The following DYNC2H1 variants were observed in gnomAD, a reference collection of about 807,000 sequenced individuals.
The protein encoded by DYNC2H1 is cytoplasmic dynein 2 heavy chain 1.
Under a neutral mutation model 570.0 loss-of-function variants are expected in DYNC2H1, and 410 were observed. The observed-to-expected ratio is 0.72, with a 90% CI of 0.66 to 0.78. The LOEUF (loss-of-function observed/expected upper bound fraction) is 0.78, where lower values mean the gene tolerates loss of function less well. Among genes scored for constraint, DYNC2H1 ranks in the 30% least tolerant of loss-of-function variants. DYNC2H1 has a pLI of 0.00. For missense variants in DYNC2H1, 4,865 were observed against 5,046.4 expected (o/e 0.96, Z 1.09); for synonymous variants, 1,688 against 1,677.6 (o/e 1.01, Z -0.15).
chr11:103,160,321 G>C (rs973309883), intron 28 of DYNC2H1, among the ~76,000 whole-genome samples: 1 of 152,008 alleles, frequency 6.6e-6, no homozygotes, highest in African/African-American at 2.4e-5. Flanking sequence ...ACATTTACCT[G>C]TTCATGGGCA....
chr11:103,426,555 A>G (rs1465754451), intron 84 of DYNC2H1, among the ~76,000 whole-genome samples: 1 of 152,242 alleles, frequency 6.6e-6, no homozygotes, highest in African/African-American at 2.4e-5. Context: ...TTTAAATACT[A>G]TTTAGACCCT....
At chr11:103,263,244 A>G (rs1031006810) in intron 70 of DYNC2H1, among the ~76,000 whole-genome samples, 12 of 152,098 alleles carry the variant, frequency 7.9e-5, no homozygotes, top group Admixed American at 7.9e-4. Context: ...TTAGACTCCC[A>G]TGTAGTAATA....
intron 28 of DYNC2H1, among the ~76,000 whole-genome samples, chr11:103,159,728 G>A (rs1861002356): frequency 6.6e-6 from 1 of 152,036 alleles, no homozygotes; most frequent in Non-Finnish European, 1.5e-5. Context: ...AGAGCAAACA[G>A]CTCTATAGAA....
At position 103,177,631 on chromosome 11, in the gene DYNC2H1, G is replaced by C; in HGVS notation, c.5950G>C (p.Gly1984Arg). ...TGTTATTGTTGGTCCAAGTGGTGCT[G>C]GAAAATCAACGCTTTGGAGAATGTT... Reference protein sequence around the residue: ...GVVIVGPSGAGKSTLWRMLRA... With the variant: ...GVVIVGPSGARKSTLWRMLRA... The change falls in exon 38 of 89, where the codon GGA becomes CGA. Residue 1984 changes from glycine (G) to arginine (R), a missense_variant. By Grantham distance (125) the Gly-to-Arg change is moderately radical. Coordinates refer to ENST00000375735, the MANE Select transcript of DYNC2H1 (RefSeq NM_001377.3). This position sits in a 1 kb window ranked among gnomAD's most constrained non-coding sequence, Gnocchi z 4.4. The C allele has an allele frequency of 2.5e-6, 4 of 1,613,368 alleles. No homozygotes were observed. The highest frequency in any genetic ancestry group is 2.5e-6 in the Non-Finnish European group (3 of 1,179,622).
chr11:103,434,031 ATTGCTC>A lies in DYNC2H1; in HGVS notation c.12367-1908_12367-1903del, dbSNP rs1943981478. Among the ~76,000 whole-genome samples the A allele has an allele frequency of 2.0e-5, 3 of 152,084 alleles. No individual in the cohort carries two copies. The South Asian group carries it at 6.2e-4, about 31-fold the overall frequency. The stretch of plus-strand genomic sequence containing the variant: ...TTGTATTGTTTCCTAGGAATGATTA[ATTGCTC>A]TTGGCTTTACCTTCTGAGCGCTGGA... On this transcript the variant is annotated intron_variant, in intron 84 of 88. Coordinates refer to ENST00000375735, the MANE Select transcript of DYNC2H1 (RefSeq NM_001377.3).
intron 29 of DYNC2H1, 64 bp from the exon 30 acceptor site, chr11:103,162,962 CTT>C: frequency 7.1e-7 from 1 of 1,406,370 alleles, no homozygotes; most frequent in Non-Finnish European, 9.8e-7. Context: ...TATTTTATGT[CTT>C]ATATATATTA....
intron 20 of DYNC2H1, among the ~76,000 whole-genome samples, chr11:103,149,057 G>A (rs187753877): frequency 2.0e-5 from 3 of 152,074 alleles, no homozygotes; most frequent in African/African-American, 7.2e-5. Flanking sequence ...ACTCTGTCTC[G>A]AAATAAATAA....
At position 103,244,323 on chromosome 11, in the gene DYNC2H1, T is replaced by C. The variant is rs1466812191; in HGVS notation, c.9918+532T>C. On this transcript the variant is annotated intron_variant, in intron 64 of 88. Coordinates refer to ENST00000375735, the MANE Select transcript of DYNC2H1 (RefSeq NM_001377.3). This position sits in a 1 kb window ranked among gnomAD's most constrained non-coding sequence, Gnocchi z 4.3. ...TGACTTCTCAGTTTCATGTTTATCT[T>C]GCAGAGGAAATTATTTTTGGTTAGG... is the stretch of plus-strand genomic sequence containing the variant. Among the ~76,000 whole-genome samples the C allele has an allele frequency of 6.6e-6, 1 of 152,010 alleles. No homozygotes were observed. Among genetic ancestry groups the C allele is most frequent in the Non-Finnish European group, 1.5e-5 (1 of 67,926 alleles).
At position 103,280,108 on chromosome 11, in the gene DYNC2H1, C is replaced by T. The variant is rs146983489; in HGVS notation, c.10696-240C>T. Among the ~76,000 whole-genome samples the T allele has an allele frequency of 9.9e-5, 15 of 152,128 alleles. No individual in the cohort carries two copies. Among genetic ancestry groups the T allele is most frequent in the African/African-American group, 3.6e-4 (15 of 41,526 alleles). On this transcript the variant is annotated intron_variant, in intron 70 of 88. Transcript: ENST00000375735. The surrounding 1 kb of genome is among the most constrained non-coding windows in gnomAD (Gnocchi z 4.7). ...GTTTTGTTTTTTAATGACATGGGCC[C>T]ACTGCATAATTGTTAGTGCTTTCTC...
In DYNC2H1 at chr11:103,116,594, T is replaced by C; in HGVS notation, c.646T>C (p.Ser216Pro). The C allele has an allele frequency of 6.2e-7, 1 of 1,607,092 alleles. No individual in the cohort carries two copies. The highest frequency in any genetic ancestry group is 8.5e-7 in the Non-Finnish European group (1 of 1,176,158). The change falls in exon 5 of 89, where the codon TCC becomes CCC. Residue 216 changes from serine (S) to proline (P), a missense_variant. Ser to Pro is a moderately conservative substitution (Grantham distance 74). Transcript: ENST00000375735. ...AREFYNLDSL[S>P]LLEVVDLVET... Reference sequence around the variant, plus strand: ...GGAGTTTTATAACTTGGACAGTCTATCCTTACTAGAAGTTGTTGACTTGGT... The same window carrying C: ...GGAGTTTTATAACTTGGACAGTCTACCCTTACTAGAAGTTGTTGACTTGGT...
At chr11:103,167,610 A>G (rs898829107) in intron 31 of DYNC2H1, among the ~76,000 whole-genome samples, 1 of 152,108 alleles carries the variant, frequency 6.6e-6, no homozygotes, top group Non-Finnish European at 1.5e-5. Flanking sequence ...CTCAACAGGT[A>G]TGTCATCTAG....
In DYNC2H1 at chr11:103,334,747, G is replaced by A. The variant is rs1428983226; in HGVS notation, c.12039+10757G>A. ...AATTTCTTAATAATTAAAGTAGAGA[G>A]GATTTTTGTTTCATGATAGAATTGA... On this transcript the variant is annotated intron_variant, in intron 82 of 88. Coordinates refer to ENST00000375735, the MANE Select transcript of DYNC2H1 (RefSeq NM_001377.3). The surrounding 1 kb of genome is among the most constrained non-coding windows in gnomAD (Gnocchi z 4.3). Among the ~76,000 whole-genome samples the A allele has an allele frequency of 6.6e-6, 1 of 151,970 alleles. No homozygotes were observed. The highest frequency in any genetic ancestry group is 1.5e-5 in the Non-Finnish European group (1 of 67,924).
At position 103,220,702 on chromosome 11, in the gene DYNC2H1, C is replaced by T; in HGVS notation, c.9026C>T (p.Pro3009Leu). The change falls in exon 57 of 89, where the codon CCA becomes CTA. Residue 3009 changes from proline (P) to leucine (L), a missense_variant. By Grantham distance (98) the Pro-to-Leu change is moderately conservative. Around this residue, in one of 5 missense-constraint regions of DYNC2H1, gnomAD observed 2,401 missense variants for 2,454.6 expected, o/e 0.98. Transcript: ENST00000375735. The part of the protein sequence containing the change: ...SLSEIRSLRM[P>L]PDVIRDILEG... The stretch of plus-strand genomic sequence containing the variant: ...TCAGAAATTCGCTCACTACGCATGC[C>T]ACCTGATGTAATTAGAGATATTCTT... The T allele has an allele frequency of 6.2e-7, 1 of 1,613,144 alleles. No homozygotes were observed. The highest frequency in any genetic ancestry group is 8.5e-7 in the Non-Finnish European group (1 of 1,179,360).
In DYNC2H1 at chr11:103,200,103, C is replaced by G; in HGVS notation, c.8146C>G (p.Gln2716Glu). The change falls in exon 50 of 89, where the codon CAG (glutamine) becomes GAG (glutamate). Residue 2716 changes from glutamine (Q) to glutamate (E), a missense_variant. Physicochemically the swap from Gln to Glu is conservative, Grantham distance 29 (BLOSUM62 2). Around this residue, in one of 5 missense-constraint regions of DYNC2H1, gnomAD observed 2,401 missense variants for 2,454.6 expected, o/e 0.98. Coordinates refer to ENST00000375735, the MANE Select transcript of DYNC2H1 (RefSeq NM_001377.3). Reference protein sequence around the residue: ...QQVVLLLEDYQFVHPTFLEMI... With the variant: ...QQVVLLLEDYEFVHPTFLEMI... ...GGTAGTTTTACTTCTTGAGGATTAC[C>G]AGTTTGTACATCCTACATTTTTGGA... is the stretch of plus-strand genomic sequence containing the variant. The G allele has an allele frequency of 6.3e-7, 1 of 1,590,102 alleles. No homozygotes were observed. Among genetic ancestry groups the G allele is most frequent in the Admixed American group, 1.7e-5 (1 of 57,708 alleles).
chr11:103,203,771 C>T lies in DYNC2H1; in HGVS notation c.8306C>T (p.Thr2769Ile). Reference sequence around the variant, plus strand: ...TTTGGACCAGTCTTCAATTACTTCACATATAGTAAGTGACATAGAATTCAT... The same window carrying T: ...TTTGGACCAGTCTTCAATTACTTCATATATAGTAAGTGACATAGAATTCAT... ...GFFGPVFNYF[T>I]YRIQQNLHIV... The change falls in exon 51 of 89, where the codon ACA (threonine) becomes ATA (isoleucine). Residue 2769 changes from threonine to isoleucine, a missense_variant. Physicochemically the swap from Thr to Ile is moderately conservative, Grantham distance 89. Transcript: ENST00000375735. This position sits in a 1 kb window ranked among gnomAD's most constrained non-coding sequence, Gnocchi z 4.7. The T allele has an allele frequency of 1.3e-6, 2 of 1,588,986 alleles. No individual in the cohort carries two copies. The highest frequency in any genetic ancestry group is 8.6e-7 in the Non-Finnish European group (1 of 1,162,598).
At chr11:103,477,443 A>G (rs1280836299) in intron 88 of DYNC2H1, among the ~76,000 whole-genome samples, 2 of 152,194 alleles carry the variant, frequency 1.3e-5, no homozygotes, top group African/African-American at 4.8e-5. Context: ...TGCTAATCCT[A>G]TATTTGAATT....
At chr11:103,279,047 G>A (rs965781524) in intron 70 of DYNC2H1, among the ~76,000 whole-genome samples, 5 of 152,118 alleles carry the variant, frequency 3.3e-5, no homozygotes, top group Non-Finnish European at 5.9e-5. Flanking sequence ...AAACAAGTTC[G>A]TTTATTTCCA....
intron 34 of DYNC2H1, among the ~76,000 whole-genome samples, chr11:103,172,631 A>G (rs1273561140): frequency 6.6e-6 from 1 of 151,952 alleles, no homozygotes; most frequent in African/African-American, 2.4e-5. Context: ...TCCCTGTCAT[A>G]ATATTTATTA....
chr11:103,312,500 C>T (rs1867640498), intron 79 of DYNC2H1, among the ~76,000 whole-genome samples: 1 of 140,442 alleles, frequency 7.1e-6, no homozygotes, highest in African/African-American at 2.7e-5. Flanking sequence ...CGAGATCACG[C>T]CATTGCATTC....
Sources: gnomAD v4.1 joint callset for allele counts (sites outside exome capture counted in the v4.1 genomes callset) on GRCh38, gnomAD v4.1.1 for gene constraint, gnomAD v4.1.1 regional missense constraint, Gnocchi (gnomAD v3.1) non-coding constraint, MANE v1.5 for transcripts, NCBI Gene and HGNC (gene_info 2026-07-23, HGNC 2026-07-21) for gene names.